SMIM35: variants seen among roughly 807,000 people sequenced by gnomAD.
SMIM35 encodes the protein TMPRSS4 antisense RNA 1 (non-protein coding).
At chr11:118,051,622 G>T (rs1044061469) in intron 1 of SMIM35, among the ~76,000 whole-genome samples, 2 of 152,132 alleles carry the variant, frequency 1.3e-5, no homozygotes, top group Non-Finnish European at 2.9e-5. Context: ...GCCCAAGAAG[G>T]GGGTAACGGT....
chr11:118,048,826 G>T (rs1422371773), intron 1 of SMIM35, among the ~76,000 whole-genome samples: 5 of 150,894 alleles, frequency 3.3e-5, no homozygotes, highest in Non-Finnish European at 7.4e-5. Flanking sequence ...TTCTAGAAAG[G>T]ACATGACCTA....
intron 1 of SMIM35, among the ~76,000 whole-genome samples, chr11:118,030,100 T>C (rs1261633426): frequency 6.6e-6 from 1 of 152,110 alleles, no homozygotes; most frequent in Non-Finnish European, 1.5e-5. Flanking sequence ...AGTGGCGTGA[T>C]CTCGGCTCAC....
intron 1 of SMIM35, among the ~76,000 whole-genome samples, chr11:118,061,519 C>T (rs1383964434): frequency 6.6e-6 from 1 of 151,854 alleles, no homozygotes. Context: ...TCCAGGGAAG[C>T]AGAATCAGTA....
intron 1 of SMIM35, among the ~76,000 whole-genome samples, chr11:118,073,164 C>A (rs1315263608): frequency 1.3e-5 from 2 of 152,236 alleles, no homozygotes; most frequent in Non-Finnish European, 2.9e-5. Flanking sequence ...TCTCAAACTC[C>A]TGACCTCAAG....
intron 1 of SMIM35, among the ~76,000 whole-genome samples, chr11:118,065,381 A>G (rs1415918422): frequency 2.0e-5 from 3 of 152,232 alleles, no homozygotes; most frequent in Non-Finnish European, 2.9e-5. Flanking sequence ...GAGAGTGATC[A>G]TGAGGCAGGA....
intron 1 of SMIM35, among the ~76,000 whole-genome samples, chr11:118,030,965 A>G (rs1326387742): frequency 1.3e-5 from 2 of 152,100 alleles, no homozygotes; most frequent in African/African-American, 4.8e-5. Context: ...CATTAGTGCT[A>G]GAGAGGACAT....
At chr11:118,026,968 C>A (rs2135047487) in intron 1 of SMIM35, among the ~76,000 whole-genome samples, 1 of 151,466 alleles carries the variant, frequency 6.6e-6, no homozygotes, top group African/African-American at 2.4e-5. Context: ...AGATGTTTCT[C>A]CAACAGGCTG....
At chr11:118,074,764 AAG>A (rs1238356063) in intron 1 of SMIM35, among the ~76,000 whole-genome samples, 2 of 142,164 alleles carry the variant, frequency 1.4e-5, no homozygotes, top group African/African-American at 5.1e-5. Context: ...AAAAAAAAAA[AAG>A]AATGTGGGTT....
intron 1 of SMIM35, chr11:118,077,196 C>T (rs1316497996): frequency 1.4e-6 from 2 of 1,472,722 alleles, no homozygotes; most frequent in South Asian, 1.2e-5. Flanking sequence ...CCAGGGACTT[C>T]TGACCTGCTG....
intron 4 of SMIM35, among the ~76,000 whole-genome samples, chr11:118,008,482 T>G (rs2058133844): frequency 6.6e-6 from 1 of 152,186 alleles, no homozygotes; most frequent in Non-Finnish European, 1.5e-5. Context: ...CCATTAAGAT[T>G]TGAAGAAGAA....
At chr11:118,021,683 TA>T (rs2058232394) in intron 1 of SMIM35, among the ~76,000 whole-genome samples, 1 of 152,090 alleles carries the variant, frequency 6.6e-6, no homozygotes, top group African/African-American at 2.4e-5. Flanking sequence ...AAACAAGAAA[TA>T]TTACCAAGGA....
At position 118,053,371 on chromosome 11, in the gene SMIM35, G is replaced by T. The variant is rs959338959; in HGVS notation, c.7+33380C>A. Among the ~76,000 whole-genome samples the T allele has an allele frequency of 2.7e-5, 4 of 149,622 alleles. No homozygotes were observed. The East Asian group carries it at 7.9e-4, about 30-fold the overall frequency. On this transcript the variant is annotated intron_variant, in intron 1 of 4. Coordinates refer to ENST00000689828, the MANE Select transcript of SMIM35 (RefSeq NM_001394165.1). ...ACACACACAAAGCTTACTAGCTCAG[G>T]GCTCCCAGGTACAGGGCAAATGTTC...
chr11:118,025,327 T>A (rs1239756086), intron 1 of SMIM35: 1 of 342,816 alleles, frequency 2.9e-6, no homozygotes, highest in East Asian at 7.9e-5. Flanking sequence ...TGTTTTGAGT[T>A]CCTTGAAAAA....
chr11:118,015,664 C>G (rs144812800), intron 2 of SMIM35, 29 bp downstream of exon 2: 19 of 399,118 alleles, frequency 4.8e-5, no homozygotes, highest in Non-Finnish European at 8.0e-5. Context: ...TGCGCAGAAC[C>G]GGGGCTACAG....
chr11:118,073,375 A>G (rs1279493560), intron 1 of SMIM35, among the ~76,000 whole-genome samples: 2 of 152,250 alleles, frequency 1.3e-5, no homozygotes, highest in East Asian at 3.8e-4. Context: ...GGCTGAGATT[A>G]GGAGGCAGGA....
intron 1 of SMIM35, chr11:118,025,424 C>T: frequency 2.3e-6 from 1 of 441,340 alleles, no homozygotes; most frequent in South Asian, 1.7e-5. Flanking sequence ...TGTAAACGTT[C>T]CCTTTCCTCT....
At position 118,046,486 on chromosome 11, in the gene SMIM35, T is replaced by C. The variant is rs558560850; in HGVS notation, c.8-30677A>G. ...GCCTGGCTGTGTCAGAAATGCAGTC[T>C]TAACATCAGGTAGTTTCCTGCCTGC... On this transcript the variant is annotated intron_variant, in intron 1 of 4. Transcript: ENST00000689828. 5.9e-5 allele frequency among the ~76,000 whole-genome samples: 9 copies of C among 152,316 alleles called. No individual in the cohort carries two copies. In the South Asian group the frequency reaches 1.9e-3, roughly 32 times the overall value.
chr11:118,027,821 G>A (rs1198815280), intron 1 of SMIM35, among the ~76,000 whole-genome samples: 1 of 152,184 alleles, frequency 6.6e-6, no homozygotes, highest in Non-Finnish European at 1.5e-5. Context: ...TCTTCAAAAC[G>A]GAGTCCTGTT....
chr11:118,063,010 C>T (rs543221347), intron 1 of SMIM35, among the ~76,000 whole-genome samples: 1 of 152,242 alleles, frequency 6.6e-6, no homozygotes, highest in African/African-American at 2.4e-5. Flanking sequence ...CACTGCTGCA[C>T]TCCCACCAGC....
Sources: gnomAD v4.1 joint callset for allele counts (sites outside exome capture counted in the v4.1 genomes callset) on GRCh38, gnomAD v4.1.1 for gene constraint, MANE v1.5 for transcripts, NCBI Gene and HGNC (gene_info 2026-07-23, HGNC 2026-07-21) for gene names.